Variants in PARD3B observed in about 807,000 individuals in gnomAD.
PARD3B encodes par-3 family cell polarity regulator beta.
Under a neutral mutation model 130.2 loss-of-function variants are expected in PARD3B, and 103 were observed. The ratio of observed to expected loss-of-function variants is 0.79; its 90% confidence interval spans 0.67 to 0.93. The LOEUF is 0.93. PARD3B is among the 40% of genes least tolerant of loss of function. PARD3B has a pLI of 0.00. For missense variants in PARD3B, 1,609 were observed against 1,499.2 expected (o/e 1.07, Z -1.21); for synonymous variants, 583 against 553.2 (o/e 1.05, Z -0.76).
At chr2:205,492,888 A>C (rs1353009069) in intron 20 of PARD3B, among the ~76,000 whole-genome samples, 1 of 152,092 alleles carries the variant, frequency 6.6e-6, no homozygotes, top group Non-Finnish European at 1.5e-5. Flanking sequence ...AAATCTGGAG[A>C]GTATGAGTGT....
At chr2:205,087,865 T>C (rs530139468) in intron 4 of PARD3B, among the ~76,000 whole-genome samples, 2 of 152,310 alleles carry the variant, frequency 1.3e-5, no homozygotes, top group African/African-American at 4.8e-5. Context: ...TCAGACAGAA[T>C]GGGTGTTTTA....
intron 21 of PARD3B, among the ~76,000 whole-genome samples, chr2:205,536,098 C>T (rs1575289079): frequency 6.6e-6 from 1 of 152,032 alleles, no homozygotes. Context: ...GTTTGGTTTT[C>T]CTGAGTATCT....
intron 20 of PARD3B, among the ~76,000 whole-genome samples, chr2:205,468,579 G>A (rs186312566): frequency 2.6e-4 from 40 of 152,280 alleles, no homozygotes; most frequent in Admixed American, 5.2e-4. Context: ...CCAGAATCTG[G>A]GAGTCTTTCT....
In PARD3B at chr2:205,158,077, G is replaced by A. The variant is rs1437339710; in HGVS notation, c.1435-645G>A. Among the ~76,000 whole-genome samples, 1 of 152,146 alleles carries A rather than the reference G, an allele frequency of 6.6e-6. No individual in the cohort carries two copies. The highest frequency in any genetic ancestry group is 1.5e-5 in the Non-Finnish European group (1 of 68,034). On this transcript the variant is annotated intron_variant, in intron 10 of 22. Coordinates refer to ENST00000406610, the MANE Select transcript of PARD3B (RefSeq NM_001302769.2). This position sits in a 1 kb window ranked among gnomAD's most constrained non-coding sequence, Gnocchi z 5.4. ...AGGTTTAAAAATTTAATGGCAGTGA[G>A]TTATACTACCTGAAGATGCAGGCTG...
intron 15 of PARD3B, among the ~76,000 whole-genome samples, chr2:205,217,894 A>ATATATATATATTT (rs1559553191): frequency 3.2e-5 from 1 of 31,074 alleles, no homozygotes; most frequent in Non-Finnish European, 5.8e-5. Context: ...ATATATATAT[A>ATATATATATATTT]TTTTTTTTTT....
At chr2:205,336,725 GT>G (rs1464364760) in intron 18 of PARD3B, among the ~76,000 whole-genome samples, 2 of 152,164 alleles carry the variant, frequency 1.3e-5, no homozygotes, top group African/African-American at 4.8e-5. Flanking sequence ...ACAAAAGCAG[GT>G]AATTATGTTA....
chr2:204,961,442 C>T (rs1690738750), intron 2 of PARD3B, among the ~76,000 whole-genome samples: 1 of 151,956 alleles, frequency 6.6e-6, no homozygotes, highest in South Asian at 2.1e-4. Flanking sequence ...GGATGAATTG[C>T]CATTAATTGG....
At chr2:204,883,220 C>T (rs1355268601) in intron 2 of PARD3B, among the ~76,000 whole-genome samples, 3 of 151,404 alleles carry the variant, frequency 2.0e-5, no homozygotes, top group Admixed American at 1.3e-4. Flanking sequence ...TCCTTTTCCT[C>T]ATCGTTTTCT....
chr2:204,804,882 G>T (rs1452953103), intron 2 of PARD3B, among the ~76,000 whole-genome samples: 2 of 151,900 alleles, frequency 1.3e-5, no homozygotes, highest in Non-Finnish European at 2.9e-5. Flanking sequence ...CTCCTAAATG[G>T]CTATTGAGTC....
At chr2:204,562,144 C>T (rs2031358550) in intron 1 of PARD3B, among the ~76,000 whole-genome samples, 1 of 152,174 alleles carries the variant, frequency 6.6e-6, no homozygotes, top group South Asian at 2.1e-4. Context: ...GTGAATGATG[C>T]CCTCAGATTT....
intron 21 of PARD3B, among the ~76,000 whole-genome samples, chr2:205,518,595 G>C (rs1324795259): frequency 2.6e-5 from 4 of 152,076 alleles, no homozygotes; most frequent in Non-Finnish European, 5.9e-5. Flanking sequence ...GGTTAATATT[G>C]ATATGTGTGG....
At chr2:204,971,834 ATTTT>A (rs3038727) in intron 3 of PARD3B, among the ~76,000 whole-genome samples, 5 of 131,214 alleles carry the variant, frequency 3.8e-5, no homozygotes, top group African/African-American at 1.1e-4. Flanking sequence ...TTTTGTTTTA[ATTTT>A]TTTTTTTTTT....
intron 18 of PARD3B, among the ~76,000 whole-genome samples, chr2:205,382,359 C>T (rs1427214609): frequency 6.6e-6 from 1 of 152,036 alleles, no homozygotes; most frequent in Non-Finnish European, 1.5e-5. Context: ...GGCTTGAATA[C>T]TGCTGAAGTG....
intron 13 of PARD3B, among the ~76,000 whole-genome samples, chr2:205,185,557 G>A (rs903628929): frequency 2.0e-5 from 3 of 152,162 alleles, no homozygotes; most frequent in African/African-American, 7.2e-5. Flanking sequence ...GGTCACCAGT[G>A]TAAAAACATA....
intron 1 of PARD3B, among the ~76,000 whole-genome samples, chr2:204,589,347 T>G (rs1297042539): frequency 3.3e-5 from 5 of 151,994 alleles, no homozygotes; most frequent in African/African-American, 1.2e-4. Context: ...AGGCTGGTAG[T>G]AATAAGATGG....
At chr2:204,933,623 G>A (rs1343290003) in intron 2 of PARD3B, among the ~76,000 whole-genome samples, 1 of 152,120 alleles carries the variant, frequency 6.6e-6, no homozygotes, top group Non-Finnish European at 1.5e-5. Context: ...TGTTGTGCAT[G>A]GACTTCTAAA....
intron 15 of PARD3B, among the ~76,000 whole-genome samples, chr2:205,245,157 C>T (rs546353235): frequency 7.9e-5 from 12 of 152,278 alleles, no homozygotes; most frequent in African/African-American, 2.6e-4. Context: ...TTGGCTTTCC[C>T]GCACGGCTGC....
intron 3 of PARD3B, among the ~76,000 whole-genome samples, chr2:205,024,008 C>A (rs1381473846): frequency 6.6e-6 from 1 of 152,018 alleles, no homozygotes; most frequent in Non-Finnish European, 1.5e-5. Context: ...CTTTTCTTCA[C>A]TGCTGCTATG....
intron 2 of PARD3B, among the ~76,000 whole-genome samples, chr2:204,762,170 G>A (rs920927177): frequency 9.2e-5 from 12 of 130,574 alleles, no homozygotes; most frequent in Non-Finnish European, 1.2e-4. Flanking sequence ...CACCCAAGTC[G>A]GAGTGCAGTG....
Sources: allele counts gnomAD v4.1 joint callset (sites outside exome capture counted in the v4.1 genomes callset), GRCh38; gene constraint gnomAD v4.1.1; non-coding constraint Gnocchi (gnomAD v3.1); transcripts MANE v1.5; gene names NCBI Gene and HGNC (gene_info 2026-07-23, HGNC 2026-07-21).